The following SEMA5A variants were observed in gnomAD, a reference collection of about 807,000 sequenced individuals.
The protein encoded by SEMA5A is semaphorin-5A.
Under a neutral mutation model 135.5 loss-of-function variants are expected in SEMA5A, and 55 were observed. The observed-to-expected ratio is 0.41, with a 90% CI of 0.33 to 0.51. The LOEUF (loss-of-function observed/expected upper bound fraction) is 0.51, where lower values mean the gene tolerates loss of function less well. Ranked by LOEUF, SEMA5A falls within the 20% of genes least tolerant of loss-of-function variation. SEMA5A has a pLI of 0.37. For missense variants in SEMA5A, 1,290 were observed against 1,419.9 expected (o/e 0.91, Z 1.47); for synonymous variants, 580 against 546.5 (o/e 1.06, Z -0.85).
At chr5:9,281,336 T>C (rs868472230) in intron 5 of SEMA5A, among the ~76,000 whole-genome samples, 1 of 152,296 alleles carries the variant, frequency 6.6e-6, no homozygotes, top group Middle Eastern at 3.4e-3. Context: ...ATAATTTTTG[T>C]ATATATTTAT....
Position 9,042,832 on chromosome 5 carries a change from G to C in SEMA5A, c.*65C>G. On this transcript the variant is annotated 3_prime_UTR_variant, in exon 23 of 23. Transcript: ENST00000382496. ...TCGACTCTGAAGCCTCAGAAACATG[G>C]GCAGTCATGGGGCACAGGCCTTGAG... 2 of 1,586,934 alleles carry C rather than the reference G, an allele frequency of 1.3e-6. No individual in the cohort carries two copies. Among genetic ancestry groups the C allele is most frequent in the South Asian group, 1.1e-5 (1 of 88,600 alleles).
At chr5:9,528,638 G>A (rs182313289) in intron 1 of SEMA5A, among the ~76,000 whole-genome samples, 196 of 152,310 alleles carry the variant, frequency 1.3e-3, no homozygotes, top group African/African-American at 4.5e-3. Context: ...TAAGGACAGA[G>A]AGGCCATGTG....
At chr5:9,530,867 G>A (rs1032793540) in intron 1 of SEMA5A, among the ~76,000 whole-genome samples, 2 of 152,130 alleles carry the variant, frequency 1.3e-5, no homozygotes, top group Admixed American at 6.5e-5. Context: ...AAATCGGAGG[G>A]AGAGAGGCGA....
chr5:9,527,875 C>T (rs989564430), intron 1 of SEMA5A, among the ~76,000 whole-genome samples: 7 of 152,126 alleles, frequency 4.6e-5, no homozygotes, highest in Admixed American at 3.3e-4. Flanking sequence ...CTAACCACTA[C>T]CTTTATACTG....
At chr5:9,228,413 T>C (rs1747437864) in intron 6 of SEMA5A, among the ~76,000 whole-genome samples, 2 of 152,188 alleles carry the variant, frequency 1.3e-5, no homozygotes, top group African/African-American at 4.8e-5. Flanking sequence ...AGAGAAAGCA[T>C]GGCGCTCTCA....
chr5:9,488,283 A>C, intron 1 of SEMA5A, among the ~76,000 whole-genome samples: 1 of 152,270 alleles, frequency 6.6e-6, no homozygotes, highest in East Asian at 1.9e-4. Context: ...CTAGATTGGC[A>C]TGTCCACCTA....
intron 1 of SEMA5A, among the ~76,000 whole-genome samples, chr5:9,494,802 G>C (rs576473143): frequency 6.6e-6 from 1 of 152,302 alleles, no homozygotes; most frequent in South Asian, 2.1e-4. Flanking sequence ...TATTAGGCAA[G>C]AGATGTTTCC....
chr5:9,278,964 C>T (rs1468711641), intron 5 of SEMA5A, among the ~76,000 whole-genome samples: 2 of 152,210 alleles, frequency 1.3e-5, no homozygotes, highest in Non-Finnish European at 2.9e-5. Context: ...GGTTGGAGCC[C>T]CAGTATGGAC....
At chr5:9,166,648 G>A (rs1283678875) in intron 11 of SEMA5A, among the ~76,000 whole-genome samples, 2 of 152,154 alleles carry the variant, frequency 1.3e-5, no homozygotes, top group African/African-American at 4.8e-5. Flanking sequence ...CTGCCTTGCT[G>A]AACAAAACCT....
intron 1 of SEMA5A, among the ~76,000 whole-genome samples, chr5:9,538,906 TTACTC>T (rs1278907506): frequency 6.6e-6 from 1 of 152,224 alleles, no homozygotes; most frequent in Non-Finnish European, 1.5e-5. Flanking sequence ...GCTGTTTAAT[TTACTC>T]TAATTTTAGA....
intron 13 of SEMA5A, among the ~76,000 whole-genome samples, chr5:9,126,563 A>AG (rs1315255033): frequency 4.6e-5 from 7 of 151,952 alleles, no homozygotes; most frequent in Non-Finnish European, 1.0e-4. Context: ...CAGCAAAAAA[A>AG]AAAAAAGAGC....
At chr5:9,046,256 C>T (rs891118654) in intron 21 of SEMA5A, among the ~76,000 whole-genome samples, 11 of 152,322 alleles carry the variant, frequency 7.2e-5, no homozygotes, top group African/African-American at 2.6e-4. Flanking sequence ...ACCCTGCACC[C>T]AGTGAGACGA....
chr5:9,414,864 T>C (rs1296457511), intron 2 of SEMA5A, among the ~76,000 whole-genome samples: 1 of 152,212 alleles, frequency 6.6e-6, no homozygotes, highest in Non-Finnish European at 1.5e-5. Context: ...CGTTACCTTG[T>C]AGGGTTCACA....
At chr5:9,331,303 G>C (rs1561154941) in intron 4 of SEMA5A, among the ~76,000 whole-genome samples, 2 of 152,200 alleles carry the variant, frequency 1.3e-5, no homozygotes, top group East Asian at 3.9e-4. Flanking sequence ...AATCCCCCTT[G>C]TTTAGAACCA....
At chr5:9,073,709 T>C (rs549294725) in intron 16 of SEMA5A, among the ~76,000 whole-genome samples, 2 of 152,130 alleles carry the variant, frequency 1.3e-5, no homozygotes, top group Non-Finnish European at 2.9e-5. Flanking sequence ...GAAACTGTTA[T>C]GGAGTCTACC....
chr5:9,524,275 A>G (rs763973894), intron 1 of SEMA5A, among the ~76,000 whole-genome samples: 1 of 152,192 alleles, frequency 6.6e-6, no homozygotes, highest in Non-Finnish European at 1.5e-5. Flanking sequence ...TCTTTTCTTC[A>G]TGAATTACCC....
intron 3 of SEMA5A, among the ~76,000 whole-genome samples, chr5:9,356,598 G>A (rs144995061): frequency 2.4e-4 from 37 of 152,264 alleles, no homozygotes; most frequent in Non-Finnish European, 7.4e-5. Flanking sequence ...TTATAGCCTC[G>A]GGAGCCCGTG....
chr5:9,302,408 G>C (rs912543402), intron 5 of SEMA5A, among the ~76,000 whole-genome samples: 1 of 152,196 alleles, frequency 6.6e-6, no homozygotes, highest in Admixed American at 6.5e-5. Context: ...TCAGCTGTCT[G>C]CTAAATACAA....
chr5:9,429,115 C>A (rs1440726326), intron 2 of SEMA5A, among the ~76,000 whole-genome samples: 1 of 152,104 alleles, frequency 6.6e-6, no homozygotes, highest in Non-Finnish European at 1.5e-5. Flanking sequence ...GAGAAAGGTT[C>A]ATGGAAAATG....
Sources: allele counts gnomAD v4.1 joint callset (sites outside exome capture counted in the v4.1 genomes callset), GRCh38; gene constraint gnomAD v4.1.1; transcripts MANE v1.5; gene names NCBI Gene and HGNC (gene_info 2026-07-23, HGNC 2026-07-21).